Variants in TNFSF4 observed in about 807,000 individuals in gnomAD.
TNFSF4 encodes the protein tumor necrosis factor ligand superfamily member 4.
Under a neutral mutation model 7.3 loss-of-function variants are expected in TNFSF4, and 4 were observed. The ratio of observed to expected loss-of-function variants is 0.55; its 90% CI spans 0.27 to 1.25. The LOEUF (loss-of-function observed/expected upper bound fraction) is 1.25. Among genes scored for constraint, TNFSF4 ranks in the 50% most tolerant of loss-of-function variants. The pLI is 0.12. For missense variants in TNFSF4, 181 were observed against 208.8 expected (o/e 0.87, Z 0.82); for synonymous variants, 76 against 83.7 (o/e 0.91, Z 0.50).
the TNFSF4 span, among the ~76,000 whole-genome samples, chr1:173,314,025 TTTC>T: frequency 1.3e-5 from 2 of 152,054 alleles, no homozygotes; most frequent in Non-Finnish European, 2.9e-5. Context: ...TTATTAGGTT[TTTC>T]TTCTTTTCTA....
the TNFSF4 span, among the ~76,000 whole-genome samples, chr1:173,419,268 G>C: frequency 6.6e-6 from 1 of 151,910 alleles, no homozygotes. Context: ...CCTGAACCTG[G>C]GAGGCGGAGC....
chr1:173,293,275 C>A, the TNFSF4 span, among the ~76,000 whole-genome samples: 1 of 151,776 alleles, frequency 6.6e-6, no homozygotes, highest in Non-Finnish European at 1.5e-5. Flanking sequence ...AAAACAGACC[C>A]CACAGACCAA....
At chr1:173,375,908 A>G in the TNFSF4 span, among the ~76,000 whole-genome samples, 1 of 152,048 alleles carries the variant, frequency 6.6e-6, no homozygotes, top group African/African-American at 2.4e-5. Context: ...ACTCACCGCA[A>G]AGGTCCATGG....
At chr1:173,362,624 G>C in the TNFSF4 span, 1 of 465,412 alleles carries the variant, frequency 2.1e-6, no homozygotes, top group Non-Finnish European at 4.2e-6. Context: ...GCATGCTGCT[G>C]GTGATTAAAG....
the TNFSF4 span, among the ~76,000 whole-genome samples, chr1:173,246,017 TG>T: frequency 5.9e-5 from 9 of 152,264 alleles, no homozygotes; most frequent in Non-Finnish European, 1.2e-4. Flanking sequence ...TTTCATATCT[TG>T]GCTGTTGTGA....
the TNFSF4 span, among the ~76,000 whole-genome samples, chr1:173,333,144 T>TG: frequency 1.3e-5 from 2 of 152,078 alleles, no homozygotes; most frequent in African/African-American, 4.8e-5. Context: ...CTAGGATAGG[T>TG]GTAGTTAACT....
At chr1:173,219,280 C>T in the TNFSF4 span, among the ~76,000 whole-genome samples, 1 of 151,994 alleles carries the variant, frequency 6.6e-6, no homozygotes, top group African/African-American at 2.4e-5. Context: ...GTGGTTATCT[C>T]GAGGTTTTTA....
At chr1:173,190,423 G>A (rs981412077) in intron 1 of TNFSF4, among the ~76,000 whole-genome samples, 1 of 152,174 alleles carries the variant, frequency 6.6e-6, no homozygotes, top group Non-Finnish European at 1.5e-5. Flanking sequence ...TCTATTACAA[G>A]TATAATCACA....
chr1:173,242,325 G>A, the TNFSF4 span, among the ~76,000 whole-genome samples: 40 of 152,170 alleles, frequency 2.6e-4, no homozygotes, highest in Middle Eastern at 6.8e-3. Context: ...TGGGGGCCCC[G>A]AACCATTCAG....
the TNFSF4 span, among the ~76,000 whole-genome samples, chr1:173,286,163 T>G: frequency 6.6e-6 from 1 of 152,200 alleles, no homozygotes; most frequent in South Asian, 2.1e-4. Flanking sequence ...TGTTACAATG[T>G]CATTTCACCT....
the TNFSF4 span, among the ~76,000 whole-genome samples, chr1:173,332,946 A>T: frequency 2.9e-4 from 44 of 152,232 alleles, no homozygotes; most frequent in African/African-American, 1.0e-3. Flanking sequence ...AGTAAATAAA[A>T]TCTCTGCCAT....
chr1:173,364,987 G>C, the TNFSF4 span, among the ~76,000 whole-genome samples: 1 of 151,746 alleles, frequency 6.6e-6, no homozygotes, highest in Non-Finnish European at 1.5e-5. Flanking sequence ...ATGCCTCTAA[G>C]CCCAGCTACT....
the TNFSF4 span, among the ~76,000 whole-genome samples, chr1:173,450,497 AGAG>A: frequency 6.6e-6 from 1 of 151,886 alleles, no homozygotes; most frequent in Non-Finnish European, 1.5e-5. Context: ...ATATCCTTTA[AGAG>A]CACAGACACA....
At chr1:173,390,992 T>C in the TNFSF4 span, among the ~76,000 whole-genome samples, 1 of 152,004 alleles carries the variant, frequency 6.6e-6, no homozygotes, top group African/African-American at 2.4e-5. Flanking sequence ...GTGATCCTCC[T>C]GCCTCAGCCT....
chr1:173,393,691 C>T, the TNFSF4 span, among the ~76,000 whole-genome samples: 2 of 152,196 alleles, frequency 1.3e-5, no homozygotes, highest in Non-Finnish European at 2.9e-5. Flanking sequence ...ACAGTTTTCC[C>T]ATAGAATGAT....
At chr1:173,228,638 A>G in the TNFSF4 span, among the ~76,000 whole-genome samples, 2,597 of 152,350 alleles carry the variant, frequency 0.017, 29 homozygotes, top group Non-Finnish European at 0.026. Flanking sequence ...TCCGAGCTAA[A>G]GGAGGAATTT....
chr1:173,374,722 C>G, the TNFSF4 span, among the ~76,000 whole-genome samples: 1 of 152,182 alleles, frequency 6.6e-6, no homozygotes, highest in African/African-American at 2.4e-5. Flanking sequence ...CATTATTAAG[C>G]AGCACACTAA....
At chr1:173,336,863 G>A in the TNFSF4 span, among the ~76,000 whole-genome samples, 1 of 152,006 alleles carries the variant, frequency 6.6e-6, no homozygotes, top group Non-Finnish European at 1.5e-5. Context: ...GGTCAGTCAT[G>A]GCATCTAGCT....
the TNFSF4 span, among the ~76,000 whole-genome samples, chr1:173,245,591 T>C: frequency 1.3e-5 from 2 of 152,232 alleles, 1 homozygote; most frequent in South Asian, 4.1e-4. Context: ...CATCTATTTG[T>C]GGTGAGGAAA....
Sources: allele counts gnomAD v4.1 joint callset (sites outside exome capture counted in the v4.1 genomes callset), GRCh38; gene constraint gnomAD v4.1.1; transcripts MANE v1.5; gene names NCBI Gene and HGNC (gene_info 2026-07-23, HGNC 2026-07-21).